Variants in TYW1 observed in about 807,000 individuals in gnomAD.
The protein encoded by TYW1 is S-adenosyl-L-methionine-dependent tRNA 4-demethylwyosine synthase TYW1.
Under a neutral mutation model 96.2 loss-of-function variants are expected in TYW1, and 46 were observed. That is an observed-to-expected ratio of 0.48 (90% CI 0.38 to 0.61). The LOEUF (loss-of-function observed/expected upper bound fraction) is 0.61. Among genes scored for constraint, TYW1 ranks in the 20% least tolerant of loss-of-function variants. The pLI, the probability that TYW1 is intolerant of heterozygous loss-of-function variation, is 0.00. For missense variants in TYW1, 684 were observed against 909.6 expected (o/e 0.75, Z 3.19); for synonymous variants, 274 against 323.0 (o/e 0.85, Z 1.63).
chr7:67,154,562 G>A (rs1364192209), intron 13 of TYW1, among the ~76,000 whole-genome samples: 1 of 151,862 alleles, frequency 6.6e-6, no homozygotes, highest in Non-Finnish European at 1.5e-5. Context: ...TTTGCTCTTA[G>A]TCTAATGGAG....
intron 7 of TYW1, among the ~76,000 whole-genome samples, chr7:67,045,379 T>TA (rs59688288): frequency 4.0e-5 from 6 of 151,242 alleles, no homozygotes; most frequent in East Asian, 1.9e-4. Context: ...CCTGGCTAAT[T>TA]AAAAAAAAAT....
intron 11 of TYW1, among the ~76,000 whole-genome samples, chr7:67,088,328 T>C (rs1000297026): frequency 2.0e-5 from 3 of 152,066 alleles, no homozygotes; most frequent in Non-Finnish European, 2.9e-5. Context: ...ATAGTAAATA[T>C]TGCTGTAAAA....
intron 11 of TYW1, among the ~76,000 whole-genome samples, chr7:67,085,637 A>G (rs538892774): frequency 6.6e-6 from 1 of 152,284 alleles, no homozygotes; most frequent in South Asian, 2.1e-4. Context: ...AAAGTCATGC[A>G]AATAATGGTT....
intron 13 of TYW1, among the ~76,000 whole-genome samples, chr7:67,155,670 T>C (rs1366558052): frequency 6.6e-6 from 1 of 152,148 alleles, no homozygotes; most frequent in Non-Finnish European, 1.5e-5. Flanking sequence ...GTGATTCTCA[T>C]GCCTCAGCTT....
chr7:67,106,564 GA>G (rs1407916194), intron 12 of TYW1, among the ~76,000 whole-genome samples: 1 of 152,060 alleles, frequency 6.6e-6, no homozygotes, highest in Non-Finnish European at 1.5e-5. Context: ...TCCCTCTGAG[GA>G]ACCTCAGAGA....
At chr7:67,206,514 A>G (rs1328611976) in intron 15 of TYW1, among the ~76,000 whole-genome samples, 5 of 152,096 alleles carry the variant, frequency 3.3e-5, no homozygotes, top group African/African-American at 9.6e-5. Flanking sequence ...ACCTGTAATC[A>G]CAACTACTTG....
At chr7:67,021,179 T>C (rs1349447914) in intron 6 of TYW1, among the ~76,000 whole-genome samples, 1 of 152,298 alleles carries the variant, frequency 6.6e-6, no homozygotes. Context: ...TTGTTTCCCT[T>C]AAATTACCTT....
At chr7:67,214,238 A>G (rs1801135410) in intron 15 of TYW1, among the ~76,000 whole-genome samples, 1 of 152,076 alleles carries the variant, frequency 6.6e-6, no homozygotes, top group Non-Finnish European at 1.5e-5. Context: ...TTAGATTTAT[A>G]TTTCAATTTT....
intron 10 of TYW1, among the ~76,000 whole-genome samples, chr7:67,077,109 G>A (rs1467767395): frequency 6.6e-6 from 1 of 152,134 alleles, no homozygotes; most frequent in Non-Finnish European, 1.5e-5. Flanking sequence ...ATATTCCATT[G>A]TGAATATATA....
At chr7:67,021,142 T>G (rs1794248882) in intron 6 of TYW1, among the ~76,000 whole-genome samples, 1 of 152,304 alleles carries the variant, frequency 6.6e-6, no homozygotes, top group Non-Finnish European at 1.5e-5. Context: ...TGTCATACGT[T>G]GTTCAGATTT....
At chr7:67,208,201 G>T (rs1255875328) in intron 15 of TYW1, among the ~76,000 whole-genome samples, 1 of 151,942 alleles carries the variant, frequency 6.6e-6, no homozygotes, top group Admixed American at 6.6e-5. Flanking sequence ...TGCCCATGTA[G>T]TCCCAACTAC....
At chr7:67,062,979 A>C (rs1795744329) in intron 9 of TYW1, among the ~76,000 whole-genome samples, 1 of 152,224 alleles carries the variant, frequency 6.6e-6, no homozygotes, top group Admixed American at 6.5e-5. Context: ...ATAAAACCTG[A>C]CAAAGACAAT....
chr7:67,039,375 A>G (rs56076751), intron 7 of TYW1, among the ~76,000 whole-genome samples: 47,241 of 151,008 alleles, frequency 0.31, 7,676 homozygotes, highest in African/African-American at 0.38. Flanking sequence ...GAAGAGTGGC[A>G]TGAACCCAGG....
At chr7:67,237,052 A>C (rs1801911010) in intron 15 of TYW1, among the ~76,000 whole-genome samples, 1 of 152,030 alleles carries the variant, frequency 6.6e-6, no homozygotes, top group Admixed American at 6.5e-5. Context: ...CGCCTGGCTA[A>C]TTTTTGTATT....
chr7:67,172,325 G>A (rs189157989), intron 13 of TYW1, among the ~76,000 whole-genome samples: 1 of 150,134 alleles, frequency 6.7e-6, no homozygotes, highest in Non-Finnish European at 1.5e-5. Flanking sequence ...ATAAGCAATA[G>A]TACTTAGAAT....
intron 7 of TYW1, among the ~76,000 whole-genome samples, 178 bp from the exon 8 acceptor site, chr7:67,049,771 T>G (rs1036973686): frequency 3.9e-5 from 6 of 152,206 alleles, no homozygotes; most frequent in African/African-American, 1.4e-4. Flanking sequence ...GGTCTCGATC[T>G]CCTGACCTCA....
chr7:67,218,422 C>T (rs1801273457), intron 15 of TYW1, among the ~76,000 whole-genome samples: 1 of 151,308 alleles, frequency 6.6e-6, no homozygotes, highest in Non-Finnish European at 1.5e-5. Context: ...GGCATGGTCT[C>T]AACTTGGTGC....
chr7:67,238,795 C>T lies in TYW1; in HGVS notation c.*266C>T, dbSNP rs556639101. The T allele has an allele frequency of 6.5e-5, 84 of 1,283,632 alleles. No individual in the cohort carries two copies. The African/African-American group carries it at 9.1e-4, about 14-fold the overall frequency. The allele number at this position is 1,283,632 out of a possible 1,614,324, so 79.5% of individuals were successfully genotyped here. Reference sequence around the variant, plus strand: ...TTATTTTGGGGAGGAACTACACAGTCGTGATTAGAATTTATCTGATGGTTT... The same window carrying T: ...TTATTTTGGGGAGGAACTACACAGTTGTGATTAGAATTTATCTGATGGTTT... On this transcript the variant is annotated 3_prime_UTR_variant, in exon 16 of 16. Transcript: ENST00000359626.
chr7:67,047,176 A>T (rs1277324522), intron 7 of TYW1, among the ~76,000 whole-genome samples: 3 of 152,338 alleles, frequency 2.0e-5, no homozygotes, highest in Admixed American at 2.0e-4. Flanking sequence ...GAATTGCTTC[A>T]GATAATTTAA....
Sources: allele counts gnomAD v4.1 joint callset (sites outside exome capture counted in the v4.1 genomes callset), GRCh38; gene constraint gnomAD v4.1.1; transcripts MANE v1.5; gene names NCBI Gene and HGNC (gene_info 2026-07-23, HGNC 2026-07-21).